ADCY8: variants seen among roughly 807,000 people sequenced by gnomAD.
ADCY8 encodes adenylate cyclase type 8.
ADCY8 carries 51 observed loss-of-function variants against 119.7 expected under a neutral mutation model. The ratio of observed to expected loss-of-function variants is 0.43; its 90% CI spans 0.34 to 0.54. The LOEUF (loss-of-function observed/expected upper bound fraction) is 0.54, where lower values mean the gene tolerates loss of function less well. ADCY8 is among the 20% of genes least tolerant of loss of function. The pLI is 0.03. For missense variants in ADCY8, 1,383 were observed against 1,598.8 expected (o/e 0.87, Z 2.30); for synonymous variants, 665 against 651.0 (o/e 1.02, Z -0.33).
rs773033725 is a variant in ADCY8, at chr8:131,040,140, G to A, written c.194C>T (p.Ser65Leu). The change falls in exon 1 of 18, where the codon TCG becomes TTG. Residue 65 changes from serine (S) to leucine (L), a missense_variant. Transcript: ENST00000286355. ...RGGSGSGSGG[S>L]GKASDPAGGG... ...GCCCGCAGGGTCCGAGGCTTTGCCC[G>A]AGCCTCCACTCCCGCTGCCGCTGCC... The A allele has an allele frequency of 1.1e-5, 17 of 1,532,002 alleles. No homozygotes were observed. In the South Asian group the frequency reaches 1.6e-4, roughly 14 times the overall value. 94.9% of individuals were successfully genotyped at this position (1,532,002 alleles called of 1,614,324 possible). A position where few individuals can be genotyped will look rare whatever the true frequency, so the allele number is the denominator to read the frequency against.
chr8:130,895,024 AGC>A (rs1018664925), intron 7 of ADCY8, among the ~76,000 whole-genome samples: 1 of 152,172 alleles, frequency 6.6e-6, no homozygotes, highest in African/African-American at 2.4e-5. Flanking sequence ...GAAGGATCTG[AGC>A]CCAGTCCTTG....
intron 6 of ADCY8, among the ~76,000 whole-genome samples, chr8:130,904,307 A>G (rs533775521): frequency 2.0e-5 from 3 of 152,262 alleles, no homozygotes; most frequent in African/African-American, 7.2e-5. Context: ...ACCTAAGCAC[A>G]TCTTTTGGCT....
intron 15 of ADCY8, among the ~76,000 whole-genome samples, chr8:130,796,096 C>A (rs1045620675): frequency 6.6e-6 from 1 of 152,224 alleles, no homozygotes; most frequent in Non-Finnish European, 1.5e-5. Flanking sequence ...CAGCTTTCTG[C>A]TGGTGGTGGA....
intron 1 of ADCY8, among the ~76,000 whole-genome samples, chr8:130,996,485 C>T (rs1224550587): frequency 6.6e-6 from 1 of 152,000 alleles, no homozygotes; most frequent in Non-Finnish European, 1.5e-5. Flanking sequence ...AAAAACCCAA[C>T]TGCAAAACTA....
At chr8:130,887,745 G>A (rs542248297) in intron 7 of ADCY8, among the ~76,000 whole-genome samples, 1 of 151,976 alleles carries the variant, frequency 6.6e-6, no homozygotes, top group African/African-American at 2.4e-5. Context: ...ATGTCTTTGG[G>A]GGTGACTATG....
intron 9 of ADCY8, 66 bp from the exon 10 acceptor site, chr8:130,849,869 C>A: frequency 1.4e-6 from 2 of 1,433,392 alleles, no homozygotes; most frequent in Non-Finnish European, 1.9e-6. Flanking sequence ...AAATTCTATT[C>A]CTGGTCTTCC....
chr8:130,965,604 G>C (rs762558386), intron 2 of ADCY8, among the ~76,000 whole-genome samples: 7 of 152,128 alleles, frequency 4.6e-5, no homozygotes, highest in Non-Finnish European at 8.8e-5. Flanking sequence ...CATACTAATA[G>C]CTGCTCTACT....
chr8:130,943,303 A>T (rs771602431), intron 4 of ADCY8, 48 bp downstream of exon 4: 3 of 1,303,536 alleles, frequency 2.3e-6, no homozygotes, highest in African/African-American at 2.9e-5. Flanking sequence ...TTCCATATGC[A>T]GTCCCTCACT....
intron 7 of ADCY8, among the ~76,000 whole-genome samples, chr8:130,885,735 ATCT>A (rs1487609019): frequency 6.6e-6 from 1 of 152,084 alleles, no homozygotes; most frequent in Non-Finnish European, 1.5e-5. Context: ...CTTCCAATAG[ATCT>A]TCTTGAAGGA....
chr8:131,037,941 A>G (rs1185902442), intron 1 of ADCY8, among the ~76,000 whole-genome samples: 2 of 152,202 alleles, frequency 1.3e-5, no homozygotes, highest in Admixed American at 1.3e-4. Flanking sequence ...AGTTCAGTCA[A>G]TCAACCCTTA....
chr8:130,907,821 G>A (rs533210434), intron 6 of ADCY8, among the ~76,000 whole-genome samples: 71 of 152,174 alleles, frequency 4.7e-4, no homozygotes, highest in African/African-American at 1.7e-3. Flanking sequence ...GCTGAGGTTC[G>A]GGGTAAGAAG....
At chr8:130,795,994 G>A (rs966968290) in intron 15 of ADCY8, among the ~76,000 whole-genome samples, 3 of 148,852 alleles carry the variant, frequency 2.0e-5, no homozygotes, top group Non-Finnish European at 4.4e-5. Context: ...GTGTTTTGGC[G>A]CCCTTCAGCT....
At chr8:130,882,785 A>G (rs1818825942) in intron 8 of ADCY8, among the ~76,000 whole-genome samples, 1 of 152,188 alleles carries the variant, frequency 6.6e-6, no homozygotes, top group Non-Finnish European at 1.5e-5. Flanking sequence ...GTTACTTGTG[A>G]TATATTCTCT....
intron 4 of ADCY8, among the ~76,000 whole-genome samples, chr8:130,939,216 T>C (rs1820886816): frequency 6.6e-6 from 1 of 152,140 alleles, no homozygotes; most frequent in South Asian, 2.1e-4. Context: ...CCAGAACTAC[T>C]GGAAAGACAT....
chr8:130,908,164 A>G (rs1819852309), intron 6 of ADCY8, among the ~76,000 whole-genome samples: 1 of 152,216 alleles, frequency 6.6e-6, no homozygotes, highest in Admixed American at 6.5e-5. Flanking sequence ...TGAGAACAAT[A>G]GCTAAACTGG....
chr8:130,966,266 G>A (rs1215605217), intron 2 of ADCY8, among the ~76,000 whole-genome samples: 1 of 152,094 alleles, frequency 6.6e-6, no homozygotes, highest in Non-Finnish European at 1.5e-5. Flanking sequence ...TGCACCTTAT[G>A]TCTATGCATT....
At chr8:130,847,991 G>A (rs1465674621) in intron 10 of ADCY8, among the ~76,000 whole-genome samples, 1 of 152,104 alleles carries the variant, frequency 6.6e-6, no homozygotes, top group African/African-American at 2.4e-5. Context: ...GAGATTTTGT[G>A]GTATTAGGAA....
chr8:130,836,796 T>A (rs1817002923), intron 11 of ADCY8, among the ~76,000 whole-genome samples: 1 of 152,114 alleles, frequency 6.6e-6, no homozygotes, highest in Non-Finnish European at 1.5e-5. Flanking sequence ...GGCAGTGGTA[T>A]CATCTCGGCT....
At chr8:130,972,415 C>G (rs1353662756) in intron 2 of ADCY8, among the ~76,000 whole-genome samples, 1 of 152,170 alleles carries the variant, frequency 6.6e-6, no homozygotes, top group Admixed American at 6.5e-5. Flanking sequence ...AACACATACA[C>G]ATACAGACAA....
Sources: gnomAD v4.1 joint callset for allele counts (sites outside exome capture counted in the v4.1 genomes callset) on GRCh38, gnomAD v4.1.1 for gene constraint, MANE v1.5 for transcripts, NCBI Gene and HGNC (gene_info 2026-07-23, HGNC 2026-07-21) for gene names.